Variants in SPOCK1 observed in about 807,000 individuals in gnomAD.
The protein encoded by SPOCK1 is SPARC (osteonectin), cwcv and kazal like domains proteoglycan 1, also known as testican-1.
A neutral mutation model predicts 55.3 loss-of-function variants in SPOCK1; 23 were observed. The observed-to-expected ratio is 0.42, with a 90% CI of 0.30 to 0.59. SPOCK1 has a LOEUF of 0.59. Ranked by LOEUF, SPOCK1 falls within the 20% of genes least tolerant of loss-of-function variation. The pLI, the probability that SPOCK1 is intolerant of heterozygous loss-of-function variation, is 0.22. For missense variants in SPOCK1, 499 were observed against 552.5 expected, an observed-to-expected ratio of 0.90 and a Z score of 0.97; for synonymous variants, 226 against 221.0, an observed-to-expected ratio of 1.02 and a Z score of -0.20.
chr5:137,013,066 A>T (rs890894677), intron 6 of SPOCK1, among the ~76,000 whole-genome samples: 8 of 152,214 alleles, frequency 5.3e-5, no homozygotes, highest in Admixed American at 3.3e-4. Flanking sequence ...AGAAAGAGAG[A>T]CACAGAGAGA....
chr5:137,288,929 G>A (rs779634865), intron 2 of SPOCK1, among the ~76,000 whole-genome samples: 6 of 152,190 alleles, frequency 3.9e-5, no homozygotes, highest in Non-Finnish European at 7.3e-5. Flanking sequence ...CAGAAAGCTC[G>A]AAATGTGGTT....
chr5:137,385,090 T>A (rs982997160), intron 2 of SPOCK1, among the ~76,000 whole-genome samples: 3 of 152,190 alleles, frequency 2.0e-5, no homozygotes, highest in Non-Finnish European at 4.4e-5. Flanking sequence ...AAACATTACA[T>A]GTTGCTTTTA....
At position 136,978,684 on chromosome 5, in the gene SPOCK1, GTCATCATCCTCATCC is replaced by G. The variant is rs781026332; in HGVS notation, c.1275_1289del (p.Glu425_Asp429del). On this transcript the variant is annotated inframe_deletion, in exon 11 of 11. Transcript: ENST00000394945. ...ATATGTACCCGACCTCATCCTCTTT[GTCATCATCCTCATCC>G]TCATCATCCTCTGTCACGGCTCGGG... The G allele has an allele frequency of 2.5e-6, 4 of 1,612,576 alleles. No individual in the cohort carries two copies. The highest frequency in any genetic ancestry group is 3.4e-6 in the Non-Finnish European group (4 of 1,179,480).
chr5:137,183,521 T>C (rs1755008865), intron 3 of SPOCK1, among the ~76,000 whole-genome samples: 1 of 152,220 alleles, frequency 6.6e-6, no homozygotes, highest in Non-Finnish European at 1.5e-5. Context: ...TTGATTCCTA[T>C]ATCTCACCTT....
intron 2 of SPOCK1, among the ~76,000 whole-genome samples, chr5:137,321,068 T>C (rs1757974463): frequency 6.6e-6 from 1 of 151,560 alleles, no homozygotes; most frequent in Non-Finnish European, 1.5e-5. Flanking sequence ...ATTTGTGACC[T>C]GAAGAACACA....
chr5:137,110,902 C>A (rs899651424), intron 5 of SPOCK1, among the ~76,000 whole-genome samples: 14 of 152,148 alleles, frequency 9.2e-5, no homozygotes, highest in African/African-American at 3.4e-4. Context: ...AATCCTAAAG[C>A]AGATCCCATG....
chr5:137,440,717 T>TA (rs1227313738), intron 2 of SPOCK1, among the ~76,000 whole-genome samples: 41 of 152,348 alleles, frequency 2.7e-4, no homozygotes, highest in Admixed American at 1.3e-3. Flanking sequence ...TTATATTTTA[T>TA]TTTTTATATC....
chr5:137,480,675 C>G lies in SPOCK1; in HGVS notation c.186+17698G>C, dbSNP rs140297989. ...AGATGTCAAGCTTCCCCAACTTCTC[C>G]CCACTCCACGTCACCCACCCCATGC... On this transcript the variant is annotated intron_variant, in intron 2 of 10. Transcript: ENST00000394945. Among the ~76,000 whole-genome samples, 1,220 of 152,250 alleles carry G rather than the reference C, an allele frequency of 8.0e-3. 10 individuals carry two copies. The highest frequency in any genetic ancestry group is 0.024 in the Middle Eastern group (7 of 294).
At chr5:137,491,462 G>A (rs1754175537) in intron 2 of SPOCK1, among the ~76,000 whole-genome samples, 2 of 152,104 alleles carry the variant, frequency 1.3e-5, no homozygotes, top group South Asian at 4.1e-4. Context: ...ACTTGCCACA[G>A]GTGTGGAAAG....
At chr5:137,297,141 C>A (rs1757505092) in intron 2 of SPOCK1, among the ~76,000 whole-genome samples, 1 of 152,072 alleles carries the variant, frequency 6.6e-6, no homozygotes, top group Non-Finnish European at 1.5e-5. Flanking sequence ...GATGTATATA[C>A]ACACACATAC....
chr5:137,433,576 T>C lies in SPOCK1; in HGVS notation c.186+64797A>G, dbSNP rs529698002. Among the ~76,000 whole-genome samples, 8 of 152,278 alleles carry C rather than the reference T, an allele frequency of 5.3e-5. No individual in the cohort carries two copies. The South Asian group carries it at 1.7e-3, about 32-fold the overall frequency. On this transcript the variant is annotated intron_variant, in intron 2 of 10. Coordinates refer to ENST00000394945, the MANE Select transcript of SPOCK1 (RefSeq NM_004598.4). The stretch of plus-strand genomic sequence containing the variant: ...GCCAAAACCACCTCTTTCATGTCAC[T>C]ATTGTCTAGGCTACTTCCCAAGAGA...
chr5:137,478,713 C>G (rs1208575314), intron 2 of SPOCK1, among the ~76,000 whole-genome samples: 1 of 151,976 alleles, frequency 6.6e-6, no homozygotes, highest in East Asian at 1.9e-4. Context: ...CGTTTCCAAG[C>G]AGAGAGTTAG....
At chr5:137,360,382 G>A (rs1750915067) in intron 2 of SPOCK1, among the ~76,000 whole-genome samples, 1 of 152,180 alleles carries the variant, frequency 6.6e-6, no homozygotes, top group Non-Finnish European at 1.5e-5. Context: ...TGGACCTTGA[G>A]CATCCCTAAA....
intron 2 of SPOCK1, among the ~76,000 whole-genome samples, chr5:137,359,266 T>A (rs552847079): frequency 6.6e-6 from 1 of 152,326 alleles, no homozygotes; most frequent in African/African-American, 2.4e-5. Flanking sequence ...CTCATTTGGT[T>A]ATAAGACCCC....
At chr5:137,334,864 A>G (rs1352238856) in intron 2 of SPOCK1, among the ~76,000 whole-genome samples, 2 of 125,680 alleles carry the variant, frequency 1.6e-5, no homozygotes, top group African/African-American at 4.2e-5. Flanking sequence ...GGTGGTACTG[A>G]CCGATGGTAT....
At chr5:137,129,682 A>G (rs1407623670) in intron 4 of SPOCK1, among the ~76,000 whole-genome samples, 3 of 152,166 alleles carry the variant, frequency 2.0e-5, no homozygotes, top group Admixed American at 6.5e-5. Context: ...TGCAGGTCTG[A>G]AGATATCTCA....
chr5:137,195,514 C>A (rs1755280434), intron 3 of SPOCK1, among the ~76,000 whole-genome samples: 1 of 152,234 alleles, frequency 6.6e-6, no homozygotes, highest in African/African-American at 2.4e-5. Flanking sequence ...TACTGCCTCA[C>A]TAAGCAGAGG....
chr5:137,451,021 A>C (rs17783712), intron 2 of SPOCK1, among the ~76,000 whole-genome samples: 3 of 152,016 alleles, frequency 2.0e-5, no homozygotes, highest in Middle Eastern at 3.4e-3. Flanking sequence ...AAAGCTCCTC[A>C]GTCTCTCTCA....
chr5:137,423,495 C>T (rs561706531), intron 2 of SPOCK1, among the ~76,000 whole-genome samples: 1 of 152,328 alleles, frequency 6.6e-6, no homozygotes, highest in Non-Finnish European at 1.5e-5. Flanking sequence ...GGGTGCTTCT[C>T]CCCCAGCCTC....
Sources: gnomAD v4.1 joint callset for allele counts (sites outside exome capture counted in the v4.1 genomes callset) on GRCh38, gnomAD v4.1.1 for gene constraint, MANE v1.5 for transcripts, NCBI Gene and HGNC (gene_info 2026-07-23, HGNC 2026-07-21) for gene names.